Variants in COL5A3 observed in about 807,000 individuals in gnomAD.
COL5A3 encodes the protein collagen type V alpha 3 chain.
A neutral mutation model predicts 250.0 loss-of-function variants in COL5A3; 172 were observed. The ratio of observed to expected loss-of-function variants is 0.69; its 90% CI spans 0.61 to 0.78. The LOEUF (loss-of-function observed/expected upper bound fraction) is 0.78, where lower values mean the gene tolerates loss of function less well. Among genes scored for constraint, COL5A3 ranks in the 30% least tolerant of loss-of-function variants. The pLI is 0.00. For synonymous variants in COL5A3, 937 were observed against 900.4 expected (o/e 1.04, Z -0.73); for missense variants, 2,340 against 2,334.4 (o/e 1.00, Z -0.05).
At chr19:9,985,364 G>A (rs1271397872) in intron 31 of COL5A3, among the ~76,000 whole-genome samples, 3 of 150,800 alleles carry the variant, frequency 2.0e-5, no homozygotes, top group Non-Finnish European at 4.4e-5. Flanking sequence ...GGGTTCAAGC[G>A]ATTCTCCTGC....
At position 9,960,512 on chromosome 19, in the gene COL5A3, G is replaced by A. The variant is rs778778214; in HGVS notation, c.5137C>T (p.Arg1713Ter). ...TCCCACAGGGGCAGAAATCCCGCTC[G>A]AGAAGAGCTGAATTCGAAAAGGGTC... ...TKTLFEFSSS[R>*]AGFLPLWDVA... The change falls in exon 67 of 67, where the codon CGA (arginine) becomes TGA (stop). Residue 1713 changes from arginine to a stop codon, truncating the protein, a stop_gained. Transcript: ENST00000264828. LOFTEE classifies it low-confidence loss of function (END_TRUNC). 28 of 1,614,052 alleles carry A rather than the reference G, an allele frequency of 1.7e-5. No homozygotes were observed. Among genetic ancestry groups the A allele is most frequent in the Admixed American group, 8.3e-5 (5 of 60,000 alleles).
At position 9,968,117 on chromosome 19, in the gene COL5A3, A is replaced by T. The variant is rs1400246324; in HGVS notation, c.4315-38T>A. 1 of 1,560,962 alleles carries T rather than the reference A, an allele frequency of 6.4e-7. No individual in the cohort carries two copies. Among genetic ancestry groups the T allele is most frequent in the African/African-American group, 1.4e-5 (1 of 72,258 alleles). On this transcript the variant is annotated intron_variant, in intron 59 of 66. Coordinates refer to ENST00000264828, the MANE Select transcript of COL5A3 (RefSeq NM_015719.4). The surrounding 1 kb of genome is among the most constrained non-coding windows in gnomAD (Gnocchi z 4.1). The stretch of plus-strand genomic sequence containing the variant: ...CATCGGGTCAGTATTGGTGGGGTAC[A>T]CCCTATTGCCCTGACACATCCCCCA...
rs864309605 is a variant in COL5A3, at chr19:9,989,353, T to C, written c.2060A>G (p.His687Arg). ...GSDGPLGHPG[H>R]EGPTGEKGAQ... is the part of the protein sequence containing the mutation. ...CCCTTTCTCTCCCGTGGGGCCCTCA[T>C]GTCCTGGGTGACCCTGGGGAAGAAA... Residue 687 changes from histidine to arginine, a missense_variant, in exon 26 of 67, where the codon CAT becomes CGT. His to Arg is a conservative substitution (Grantham distance 29). Around this residue, in one of 3 missense-constraint regions of COL5A3, gnomAD observed 1,152 missense variants for 1,146.3 expected, o/e 1.00. Coordinates refer to ENST00000264828, the MANE Select transcript of COL5A3 (RefSeq NM_015719.4). 2 of 1,614,102 alleles carry C rather than the reference T, an allele frequency of 1.2e-6. No individual in the cohort carries two copies. Among genetic ancestry groups the C allele is most frequent in the Admixed American group, 3.3e-5 (2 of 60,002 alleles).
At chr19:9,971,445 T>A (rs1230570377) in intron 51 of COL5A3, among the ~76,000 whole-genome samples, 187 bp from the exon 52 acceptor site, 1 of 152,184 alleles carries the variant, frequency 6.6e-6, no homozygotes, top group African/African-American at 2.4e-5. Flanking sequence ...GAGCTAAGAA[T>A]GCCGCACGCA....
intron 6 of COL5A3, among the ~76,000 whole-genome samples, chr19:10,002,930 A>G (rs2087385929): frequency 6.6e-6 from 1 of 151,992 alleles, no homozygotes; most frequent in South Asian, 2.1e-4. Flanking sequence ...ACCCACCAAC[A>G]ACCCCCCAGT....
intron 31 of COL5A3, among the ~76,000 whole-genome samples, chr19:9,984,931 A>G (rs1248835163): frequency 7.2e-6 from 1 of 139,002 alleles, no homozygotes; most frequent in Non-Finnish European, 1.5e-5. Flanking sequence ...AGCTGGGACC[A>G]CATCTGGCTA....
chr19:9,973,057 GC>G, intron 50 of COL5A3, 31 bp from the exon 51 acceptor site: 1 of 1,555,594 alleles, frequency 6.4e-7, no homozygotes, highest in Non-Finnish European at 8.8e-7. Flanking sequence ...GGTCAGAGTG[GC>G]CTGGACTCTC....
chr19:10,005,516 T>G (rs571942045), intron 4 of COL5A3, 42 bp downstream of exon 4: 6 of 1,598,458 alleles, frequency 3.8e-6, no homozygotes, highest in Non-Finnish European at 4.3e-6. Flanking sequence ...AGACAAAACA[T>G]CCCACCCTCT....
At chr19:9,970,915 A>AGTGG in intron 53 of COL5A3, 60 bp downstream of exon 53, 1 of 1,130,336 alleles carries the variant, frequency 8.8e-7, no homozygotes. Flanking sequence ...CCCCCAATTC[A>AGTGG]CTCACTCATT....
At position 9,968,540 on chromosome 19, in the gene COL5A3, G is replaced by A. The variant is rs747944782; in HGVS notation, c.4207-48C>T. ...ACAGGGGAGGACGTGGGAGGATTCA[G>A]GGAGGTTTTTCTCCTAGAGCCTTAG... On this transcript the variant is annotated intron_variant, in intron 58 of 66. Coordinates refer to ENST00000264828, the MANE Select transcript of COL5A3 (RefSeq NM_015719.4). The surrounding 1 kb of genome is among the most constrained non-coding windows in gnomAD (Gnocchi z 4.1). 8 of 1,574,860 alleles carry A rather than the reference G, an allele frequency of 5.1e-6. No homozygotes were observed. In the South Asian group the frequency reaches 9.3e-5, roughly 18 times the overall value.
In COL5A3 at chr19:9,989,309, C is replaced by T. The variant is rs754095550; in HGVS notation, c.2091+13G>A. The T allele has an allele frequency of 3.1e-6, 5 of 1,614,206 alleles. No homozygotes were observed. Among genetic ancestry groups the T allele is most frequent in the Non-Finnish European group, 3.4e-6 (4 of 1,180,014 alleles). Reference sequence around the variant, plus strand: ...CCTCGTCCCCAACCCAGCCTAACCTCCTGGTCACTCACCTGAGCCCCTTTC... The same window carrying T: ...CCTCGTCCCCAACCCAGCCTAACCTTCTGGTCACTCACCTGAGCCCCTTTC... On this transcript the variant is annotated intron_variant, in intron 26 of 66. Transcript: ENST00000264828.
At chr19:9,999,005 CTTTT>C (rs1222425967) in intron 8 of COL5A3, among the ~76,000 whole-genome samples, 1 of 141,394 alleles carries the variant, frequency 7.1e-6, no homozygotes, top group Non-Finnish European at 1.5e-5. Flanking sequence ...TCCTTTCTTT[CTTTT>C]CTTTCTTTCT....
Position 9,966,749 on chromosome 19 carries a change from G to C in COL5A3, c.4459-3C>G. The C allele has an allele frequency of 2.0e-6, 3 of 1,532,376 alleles. No homozygotes were observed. In the South Asian group the frequency reaches 3.6e-5, roughly 18 times the overall value. The allele number at this position is 1,532,376 out of a possible 1,614,324, so 94.9% of individuals were successfully genotyped here. A position where few individuals can be genotyped will look rare whatever the true frequency, so the allele number is the denominator to read the frequency against. On this transcript the variant is annotated splice_region_variant and splice_polypyrimidine_tract_variant and intron_variant, in intron 62 of 66. Coordinates refer to ENST00000264828, the MANE Select transcript of COL5A3 (RefSeq NM_015719.4). ...CCATGCAGCTCGGCAGGGGCACCCT[G>C]GGCGTAGGGGATGGGGACGGAGAAG... is the stretch of plus-strand genomic sequence containing the variant.
At chr19:9,973,084 A>G in intron 50 of COL5A3, 58 bp from the exon 51 acceptor site, 2 of 1,448,826 alleles carry the variant, frequency 1.4e-6, no homozygotes, top group Non-Finnish European at 1.9e-6. Context: ...ATCAAGGATT[A>G]GCATACTTGG....
At position 9,977,330 on chromosome 19, in the gene COL5A3, C is replaced by T. The variant is rs775702144; in HGVS notation, c.3234+35G>A. 37 of 1,612,872 alleles carry T rather than the reference C, an allele frequency of 2.3e-5. No homozygotes were observed. The East Asian group carries it at 8.2e-4, about 36-fold the overall frequency. ...GACCCAGCTTCCATTCACCCCCATCCTCCCCTGGACCCTTCCTCTCTGTGA... is the reference window on the plus strand; with the variant it reads ...GACCCAGCTTCCATTCACCCCCATCTTCCCCTGGACCCTTCCTCTCTGTGA... On this transcript the variant is annotated intron_variant, in intron 43 of 66. Transcript: ENST00000264828.
At position 9,992,254 on chromosome 19, in the gene COL5A3, C is replaced by A. The variant is rs571347521; in HGVS notation, c.1849-206G>T. 7.3e-4 allele frequency among the ~76,000 whole-genome samples: 111 copies of A among 152,136 alleles called. 1 individual carries two copies. Among genetic ancestry groups the A allele is most frequent in the African/African-American group, 2.6e-3 (108 of 41,498 alleles). On this transcript the variant is annotated intron_variant, in intron 21 of 66. Coordinates refer to ENST00000264828, the MANE Select transcript of COL5A3 (RefSeq NM_015719.4). ...CCTGGCCAACATTGTGAAACCCCGTCTTTACTAAAAACACAAAAATTAGCC... is the reference window on the plus strand; with the variant it reads ...CCTGGCCAACATTGTGAAACCCCGTATTTACTAAAAACACAAAAATTAGCC...
chr19:9,998,152 G>A lies in COL5A3; in HGVS notation c.1111-3C>T, dbSNP rs1414363145. On this transcript the variant is annotated splice_polypyrimidine_tract_variant and splice_region_variant and intron_variant, in intron 8 of 66. Coordinates refer to ENST00000264828, the MANE Select transcript of COL5A3 (RefSeq NM_015719.4). ...TTTGCTCCTTTCTCTCCAGCACCCT[G>A]GGGTGGGGTCAGGGGAGATGGAGAG... 7 of 1,612,896 alleles carry A rather than the reference G, an allele frequency of 4.3e-6. No homozygotes were observed. The highest frequency in any genetic ancestry group is 5.9e-6 in the Non-Finnish European group (7 of 1,179,542).
intron 1 of COL5A3, among the ~76,000 whole-genome samples, chr19:10,006,812 C>T (rs2087450846): frequency 6.6e-6 from 1 of 151,698 alleles, no homozygotes; most frequent in African/African-American, 2.4e-5. Flanking sequence ...CCCCTCTGAC[C>T]TTCTGATCTT....
intron 24 of COL5A3, among the ~76,000 whole-genome samples, 196 bp from the exon 25 acceptor site, chr19:9,989,718 T>C (rs1006335362): frequency 5.3e-5 from 8 of 152,214 alleles, no homozygotes; most frequent in Admixed American, 5.2e-4. Flanking sequence ...TCCTCAGAAA[T>C]CCACTGCCTC....
Sources: allele counts gnomAD v4.1 joint callset (sites outside exome capture counted in the v4.1 genomes callset), GRCh38; gene constraint gnomAD v4.1.1; regional missense constraint gnomAD v4.1.1; non-coding constraint Gnocchi (gnomAD v3.1); transcripts MANE v1.5; gene names NCBI Gene and HGNC (gene_info 2026-07-23, HGNC 2026-07-21).